REDIC1: variants seen among roughly 807,000 people sequenced by gnomAD.
REDIC1 encodes HEI10 Interacting Protein 1.
At chr12:39,653,199 T>C in the REDIC1 span, among the ~76,000 whole-genome samples, 20 of 152,112 alleles carry the variant, frequency 1.3e-4, no homozygotes, top group Non-Finnish European at 2.5e-4. Context: ...TTTCATCTTC[T>C]TTAATTTCTT....
chr12:39,852,861 C>T, the REDIC1 span, among the ~76,000 whole-genome samples: 24 of 152,094 alleles, frequency 1.6e-4, no homozygotes, highest in Admixed American at 4.6e-4. Context: ...GGTAGCCTTC[C>T]GAGACGAATT....
At chr12:39,684,121 C>A in the REDIC1 span, 1 of 994,368 alleles carries the variant, frequency 1.0e-6, no homozygotes, top group Non-Finnish European at 1.2e-6. Context: ...CTTCTTGCAG[C>A]TGGTGTACAA....
At chr12:39,775,798 T>A in the REDIC1 span, among the ~76,000 whole-genome samples, 3 of 152,230 alleles carry the variant, frequency 2.0e-5, no homozygotes, top group East Asian at 5.8e-4. Flanking sequence ...GTTGAACTTA[T>A]ACAGGTTGTG....
the REDIC1 span, among the ~76,000 whole-genome samples, chr12:39,894,621 ATAAAAT>A: frequency 6.6e-6 from 1 of 152,228 alleles, no homozygotes; most frequent in Non-Finnish European, 1.5e-5. Context: ...ACAAGGGAAA[ATAAAAT>A]TAAACTGATC....
At chr12:39,820,495 A>T in the REDIC1 span, among the ~76,000 whole-genome samples, 4 of 152,148 alleles carry the variant, frequency 2.6e-5, no homozygotes, top group African/African-American at 9.6e-5. Context: ...GTGGAAAACT[A>T]TTTTGTTTAT....
At chr12:39,701,889 A>G in the REDIC1 span, among the ~76,000 whole-genome samples, 2 of 152,154 alleles carry the variant, frequency 1.3e-5, no homozygotes, top group Non-Finnish European at 2.9e-5. Context: ...CTTTGAAACC[A>G]ACGAGAACAA....
At chr12:39,708,522 T>C in the REDIC1 span, among the ~76,000 whole-genome samples, 1 of 151,852 alleles carries the variant, frequency 6.6e-6, no homozygotes, top group East Asian at 1.9e-4. Flanking sequence ...CAAATGAACT[T>C]ACCATATTTT....
At chr12:39,634,047 T>C in the REDIC1 span, among the ~76,000 whole-genome samples, 1 of 152,228 alleles carries the variant, frequency 6.6e-6, no homozygotes, top group South Asian at 2.1e-4. Context: ...ACATTATTGA[T>C]TCTTCCTATC....
the REDIC1 span, among the ~76,000 whole-genome samples, chr12:39,834,219 G>A: frequency 6.6e-6 from 1 of 152,026 alleles, no homozygotes; most frequent in Admixed American, 6.6e-5. Context: ...TGCCCATTAT[G>A]ACTCTTGAGA....
At chr12:39,658,292 C>G in the REDIC1 span, among the ~76,000 whole-genome samples, 1 of 152,014 alleles carries the variant, frequency 6.6e-6, no homozygotes, top group Non-Finnish European at 1.5e-5. Flanking sequence ...ACCATGTTGG[C>G]CAGACTGGTC....
chr12:39,881,044 A>T, the REDIC1 span, among the ~76,000 whole-genome samples: 1 of 152,248 alleles, frequency 6.6e-6, no homozygotes, highest in Non-Finnish European at 1.5e-5. Flanking sequence ...TATGCCTGTC[A>T]TTGTAATTAT....
At chr12:39,900,513 C>G in the REDIC1 span, among the ~76,000 whole-genome samples, 4 of 152,062 alleles carry the variant, frequency 2.6e-5, no homozygotes, top group Middle Eastern at 3.4e-3. Context: ...AATCAATGTG[C>G]AAAAATCACA....
At chr12:39,774,743 A>G in the REDIC1 span, among the ~76,000 whole-genome samples, 1 of 152,176 alleles carries the variant, frequency 6.6e-6, no homozygotes, top group Non-Finnish European at 1.5e-5. Flanking sequence ...CAAAAGCCTT[A>G]GAAATTTGGA....
chr12:39,899,787 A>T, the REDIC1 span, among the ~76,000 whole-genome samples: 2 of 151,986 alleles, frequency 1.3e-5, no homozygotes, highest in East Asian at 3.9e-4. Flanking sequence ...GTAGTTGAGC[A>T]GTTTTGAGTG....
At chr12:39,704,835 C>G in the REDIC1 span, among the ~76,000 whole-genome samples, 1 of 151,986 alleles carries the variant, frequency 6.6e-6, no homozygotes. Context: ...AAAAACCAAA[C>G]ACCGCATATT....
chr12:39,701,482 T>G, the REDIC1 span, among the ~76,000 whole-genome samples: 1 of 152,144 alleles, frequency 6.6e-6, no homozygotes, highest in Non-Finnish European at 1.5e-5. Context: ...TCCCACACAT[T>G]AATAATGGGA....
At chr12:39,841,867 C>T in the REDIC1 span, among the ~76,000 whole-genome samples, 6 of 151,922 alleles carry the variant, frequency 3.9e-5, no homozygotes, top group South Asian at 2.1e-4. Context: ...CCAAGTAAGT[C>T]GACTAGTATT....
At chr12:39,785,366 A>G in the REDIC1 span, among the ~76,000 whole-genome samples, 1 of 152,198 alleles carries the variant, frequency 6.6e-6, no homozygotes, top group Non-Finnish European at 1.5e-5. Context: ...GGCAGCTTCC[A>G]TGTGGCGTTG....
At chr12:39,700,174 G>T in the REDIC1 span, among the ~76,000 whole-genome samples, 2 of 152,236 alleles carry the variant, frequency 1.3e-5, no homozygotes, top group African/African-American at 4.8e-5. Context: ...CAAAGGCAAA[G>T]AAGTTGAAAA....
Sources: allele counts gnomAD v4.1 joint callset (sites outside exome capture counted in the v4.1 genomes callset), GRCh38; gene constraint gnomAD v4.1.1; transcripts MANE v1.5; gene names NCBI Gene and HGNC (gene_info 2026-07-23, HGNC 2026-07-21).